The following HIP1 variants were observed in gnomAD, a reference collection of about 807,000 sequenced individuals.
HIP1 encodes huntingtin interacting protein 1.
A neutral mutation model predicts 147.6 loss-of-function variants in HIP1; 65 were observed. The observed-to-expected ratio is 0.44, with a 90% confidence interval of 0.36 to 0.54. The LOEUF (loss-of-function observed/expected upper bound fraction) is 0.54, where lower values mean the gene tolerates loss of function less well. Among genes scored for constraint, HIP1 ranks in the 20% least tolerant of loss-of-function variants. HIP1 has a pLI of 0.00. For missense variants in HIP1, 1,061 were observed against 1,299.6 expected, an observed-to-expected ratio of 0.82 and a Z score of 2.82; for synonymous variants, 479 against 504.0, an observed-to-expected ratio of 0.95 and a Z score of 0.67.
chr7:75,542,000 A>G lies in HIP1; in HGVS notation c.2891-20T>C. 3.1e-6 allele frequency: 5 copies of G among 1,610,274 alleles called. No homozygotes were observed. Among genetic ancestry groups the G allele is most frequent in the Non-Finnish European group, 3.4e-6 (4 of 1,176,470 alleles). Reference sequence around the variant, plus strand: ...TGTTGTCTGCAAGGATGGAAACAAGAAGGTCTCATCAAATTCTACCCTGGC... The same window carrying G: ...TGTTGTCTGCAAGGATGGAAACAAGGAGGTCTCATCAAATTCTACCCTGGC... On this transcript the variant is annotated intron_variant, in intron 28 of 30. Coordinates refer to ENST00000336926, the MANE Select transcript of HIP1 (RefSeq NM_005338.7).
intron 28 of HIP1, 116 bp downstream of exon 28, chr7:75,542,735 G>T: frequency 2.0e-6 from 2 of 1,013,630 alleles, no homozygotes; most frequent in Non-Finnish European, 1.4e-6. Flanking sequence ...ATAAAAAGAT[G>T]AAAAATATGA....
chr7:75,680,225 G>A (rs1800019186), intron 1 of HIP1, among the ~76,000 whole-genome samples: 1 of 152,096 alleles, frequency 6.6e-6, no homozygotes, highest in South Asian at 2.1e-4. Flanking sequence ...TACGTTTTTA[G>A]TAGAGACGGG....
At chr7:75,551,153 A>G (rs1479058484) in intron 22 of HIP1, among the ~76,000 whole-genome samples, 2 of 144,770 alleles carry the variant, frequency 1.4e-5, no homozygotes, top group African/African-American at 5.2e-5. Context: ...TGTGAAACTA[A>G]CTCTATTATT....
At chr7:75,635,175 C>T (rs1448034647) in intron 1 of HIP1, among the ~76,000 whole-genome samples, 2 of 152,114 alleles carry the variant, frequency 1.3e-5, no homozygotes, top group Non-Finnish European at 2.9e-5. Flanking sequence ...GTTAAACCAG[C>T]TCTCCCTTGG....
At chr7:75,580,596 C>T (rs1796003488) in intron 7 of HIP1, among the ~76,000 whole-genome samples, 1 of 152,054 alleles carries the variant, frequency 6.6e-6, no homozygotes, top group African/African-American at 2.4e-5. Context: ...AAAAATCAGC[C>T]AGATGTGGTG....
At chr7:75,624,310 G>A (rs1417413711) in intron 1 of HIP1, among the ~76,000 whole-genome samples, 2 of 152,146 alleles carry the variant, frequency 1.3e-5, no homozygotes, top group Admixed American at 6.6e-5. Flanking sequence ...TGCTAATTCC[G>A]GAGGTGGATT....
At position 75,556,739 on chromosome 7, in the gene HIP1, G is replaced by C. The variant is rs782736369; in HGVS notation, c.1654C>G (p.Leu552Val). The C allele has an allele frequency of 6.2e-7, 1 of 1,612,696 alleles. No individual in the cohort carries two copies. The highest frequency in any genetic ancestry group is 8.5e-7 in the Non-Finnish European group (1 of 1,179,066). Residue 552 changes from leucine (L) to valine (V), a missense_variant, in exon 17 of 31, where the codon CTG becomes GTG. Leu to Val is a conservative substitution (Grantham distance 32, BLOSUM62 1). This residue lies in a region of HIP1 where 810 missense variants were observed against 946.8 expected (regional missense o/e 0.86). Coordinates refer to ENST00000336926, the MANE Select transcript of HIP1 (RefSeq NM_005338.7). ...GCAGAAGTTTCCAGGCTGCCTTGCA[G>C]AACCTGAAGCTCCCGTTGGCTTGTG... is the stretch of plus-strand genomic sequence containing the variant. Reference protein sequence around the residue: ...LATSQRELQVLQGSLETSAQS... With the variant: ...LATSQRELQVVQGSLETSAQS...
At chr7:75,624,525 G>A (rs78659242) in intron 1 of HIP1, among the ~76,000 whole-genome samples, 3 of 152,066 alleles carry the variant, frequency 2.0e-5, no homozygotes, top group Admixed American at 2.0e-4. Flanking sequence ...AAGCCCCACC[G>A]AAGCCTCCAG....
intron 1 of HIP1, among the ~76,000 whole-genome samples, chr7:75,693,841 T>A (rs1800538314): frequency 6.6e-6 from 1 of 151,360 alleles, no homozygotes; most frequent in Non-Finnish European, 1.5e-5. Flanking sequence ...CTCCCTGCAC[T>A]GCACCAATGC....
At chr7:75,676,780 GAA>G (rs781875604) in intron 1 of HIP1, among the ~76,000 whole-genome samples, 84,246 of 143,248 alleles carry the variant, frequency 0.59, 24,092 homozygotes, top group African/African-American at 0.67. Context: ...CCATCTCAAA[GAA>G]AAAAAAAAAA....
intron 1 of HIP1, among the ~76,000 whole-genome samples, chr7:75,710,806 G>A (rs1801146825): frequency 6.6e-6 from 1 of 152,062 alleles, no homozygotes. Flanking sequence ...TTAAAATCAT[G>A]TACTGGTTAA....
intron 1 of HIP1, among the ~76,000 whole-genome samples, chr7:75,629,200 G>A (rs1554508487): frequency 6.6e-6 from 1 of 152,178 alleles, no homozygotes; most frequent in African/African-American, 2.4e-5. Context: ...GTACCAGTGA[G>A]AGCCATCTCC....
chr7:75,656,060 A>G (rs1383790268), intron 1 of HIP1, among the ~76,000 whole-genome samples: 1 of 152,152 alleles, frequency 6.6e-6, no homozygotes, highest in Non-Finnish European at 1.5e-5. Flanking sequence ...TCAAGGCTGC[A>G]GTGAGCCATG....
At chr7:75,546,871 A>T in intron 25 of HIP1, 68 bp downstream of exon 25, 1 of 1,086,236 alleles carries the variant, frequency 9.2e-7, no homozygotes, top group African/African-American at 1.6e-5. Flanking sequence ...AGCATCACAG[A>T]GTCCGTTGGA....
intron 18 of HIP1, 77 bp from the exon 19 acceptor site, chr7:75,555,628 C>T (rs184838549): frequency 8.0e-6 from 12 of 1,493,586 alleles, no homozygotes; most frequent in Non-Finnish European, 1.0e-5. Flanking sequence ...GGCTGGGGCT[C>T]TTAGCATCTT....
chr7:75,569,936 G>A (rs1244827475), intron 8 of HIP1, among the ~76,000 whole-genome samples: 1 of 147,826 alleles, frequency 6.8e-6, no homozygotes, highest in Non-Finnish European at 1.5e-5. Flanking sequence ...AATAAAGTAC[G>A]AACTTTTTTT....
At chr7:75,544,854 TC>T in intron 26 of HIP1, 54 bp from the exon 27 acceptor site, 1 of 1,137,566 alleles carries the variant, frequency 8.8e-7, no homozygotes, top group Non-Finnish European at 1.3e-6. Flanking sequence ...CTGCAACTCC[TC>T]CACAATCCCA....
At chr7:75,735,334 T>C (rs782103369) in intron 1 of HIP1, among the ~76,000 whole-genome samples, 10 of 152,316 alleles carry the variant, frequency 6.6e-5, no homozygotes, top group East Asian at 3.9e-4. Context: ...GGTGAGTTAC[T>C]TAACCTCTCT....
In HIP1 at chr7:75,597,456, G is replaced by A. The variant is rs1796788696; in HGVS notation, c.184+1728C>T. 2.0e-5 allele frequency among the ~76,000 whole-genome samples: 3 copies of A among 152,096 alleles called. No individual in the cohort carries two copies. The South Asian group carries it at 6.2e-4, about 32-fold the overall frequency. Reference sequence around the variant, plus strand: ...GCCTCTGAGGCTGGGTGCGGCCTCCGAAGTTGGGCGCGGTGGCTCATGCCT... The same window carrying A: ...GCCTCTGAGGCTGGGTGCGGCCTCCAAAGTTGGGCGCGGTGGCTCATGCCT... On this transcript the variant is annotated intron_variant, in intron 2 of 30. Transcript: ENST00000336926.
Sources: gnomAD v4.1 joint callset for allele counts (sites outside exome capture counted in the v4.1 genomes callset) on GRCh38, gnomAD v4.1.1 for gene constraint, gnomAD v4.1.1 regional missense constraint, MANE v1.5 for transcripts, NCBI Gene and HGNC (gene_info 2026-07-23, HGNC 2026-07-21) for gene names.